The following PTPN14 variants were observed in gnomAD, a reference collection of about 807,000 sequenced individuals.
PTPN14 encodes protein tyrosine phosphatase non-receptor type 14, also known as tyrosine-protein phosphatase non-receptor type 14.
PTPN14 carries 53 observed loss-of-function variants against 126.8 expected under a neutral mutation model. The observed-to-expected ratio is 0.42, with a 90% CI of 0.34 to 0.53. The LOEUF is 0.53. Among genes scored for constraint, PTPN14 ranks in the 20% least tolerant of loss-of-function variants. PTPN14 has a pLI of 0.08. For synonymous variants in PTPN14, 630 were observed against 599.3 expected, an observed-to-expected ratio of 1.05 and a Z score of -0.75; for missense variants, 1,257 against 1,552.9, an observed-to-expected ratio of 0.81 and a Z score of 3.20.
chr1:214,532,293 C>A (rs910089576), intron 1 of PTPN14: 9 of 481,470 alleles, frequency 1.9e-5, no homozygotes, highest in African/African-American at 6.0e-5. Context: ...AGCCTATGCA[C>A]GTGCCAGGGG....
intron 1 of PTPN14, among the ~76,000 whole-genome samples, chr1:214,491,783 A>C (rs937417268): frequency 6.6e-6 from 1 of 152,190 alleles, no homozygotes; most frequent in Non-Finnish European, 1.5e-5. Context: ...AGACAGGAAC[A>C]CAAGACTTGG....
In PTPN14 at chr1:214,384,446, T is replaced by C; in HGVS notation, c.1409A>G (p.Asn470Ser). The C allele has an allele frequency of 6.2e-7, 1 of 1,614,130 alleles. No homozygotes were observed. The highest frequency in any genetic ancestry group is 8.5e-7 in the Non-Finnish European group (1 of 1,180,030). ...GTTGTAGGCATGGGTGTTGATAATG[T>C]TGAGGTTTCTCAGAGACTGGCTCTG... ...DSQSQSLRNL[N>S]IINTHAYNQP... The change falls in exon 13 of 19, where the codon AAC becomes AGC. Residue 470 changes from asparagine to serine, a missense_variant. Coordinates refer to ENST00000366956, the MANE Select transcript of PTPN14 (RefSeq NM_005401.5). This position sits in a 1 kb window ranked among gnomAD's most constrained non-coding sequence, Gnocchi z 5.3.
intron 6 of PTPN14, 72 bp downstream of exon 6, chr1:214,402,811 A>G: frequency 2.0e-6 from 3 of 1,527,152 alleles, no homozygotes; most frequent in Non-Finnish European, 2.7e-6. Context: ...TGATAGGGAG[A>G]TGGATGCCTC....
rs765897913 is a variant in PTPN14, at chr1:214,384,136, T to A, written c.1719A>T (p.Pro573=). ...LFRPPPPYPR[P]RPATSTPDLA... The stretch of plus-strand genomic sequence containing the variant: ...GGTCTGGGGTGCTGGTGGCAGGTCG[T>A]GGCCGTGGGTAGGGGGGCGGTGGCC... Residue 573 remains proline, a synonymous_variant, in exon 13 of 19, where the codon CCA becomes CCT. Coordinates refer to ENST00000366956, the MANE Select transcript of PTPN14 (RefSeq NM_005401.5). The surrounding 1 kb of genome is among the most constrained non-coding windows in gnomAD (Gnocchi z 5.3). 4.4e-6 allele frequency: 7 copies of A among 1,575,260 alleles called. No homozygotes were observed. The highest frequency in any genetic ancestry group is 6.0e-6 in the Non-Finnish European group (7 of 1,163,272).
At chr1:214,387,266 G>C (rs986791541) in intron 11 of PTPN14, among the ~76,000 whole-genome samples, 3 of 152,184 alleles carry the variant, frequency 2.0e-5, no homozygotes, top group Non-Finnish European at 4.4e-5. Context: ...TTTTAGAAAA[G>C]GTAAATTATT....
At position 214,383,669 on chromosome 1, in the gene PTPN14, T is replaced by C. The variant is rs1485834480; in HGVS notation, c.2186A>G (p.Glu729Gly). The change falls in exon 13 of 19, where the codon GAG becomes GGG. Residue 729 changes from glutamate to glycine, a missense_variant. Physicochemically the swap from Glu to Gly is moderately conservative, Grantham distance 98 (BLOSUM62 -2). Transcript: ENST00000366956. The surrounding 1 kb of genome is among the most constrained non-coding windows in gnomAD (Gnocchi z 4.4). ...CAGCTGGGCACTGTACTCCATCTTC[T>C]CCCGGAGCATGGGGATCTGGGGCAC... Reference protein sequence around the residue: ...ESVPQIPMLREKMEYSAQLQA... With the variant: ...ESVPQIPMLRGKMEYSAQLQA... The C allele has an allele frequency of 2.4e-5, 38 of 1,613,324 alleles. No homozygotes were observed. The highest frequency in any genetic ancestry group is 3.2e-5 in the Non-Finnish European group (38 of 1,180,044).
intron 2 of PTPN14, 132 bp from the exon 3 acceptor site, chr1:214,452,106 A>G (rs1572008928): frequency 2.0e-6 from 2 of 987,698 alleles, no homozygotes; most frequent in East Asian, 4.9e-5. Context: ...CAGCTTTGAC[A>G]TATAACTTTG....
At chr1:214,522,308 A>G (rs1172229061) in intron 1 of PTPN14, among the ~76,000 whole-genome samples, 2 of 152,204 alleles carry the variant, frequency 1.3e-5, no homozygotes, top group African/African-American at 2.4e-5. Flanking sequence ...CTTAAGGATC[A>G]AAAGTAGCTT....
At chr1:214,450,225 A>G (rs1421575874) in intron 3 of PTPN14, among the ~76,000 whole-genome samples, 1 of 151,914 alleles carries the variant, frequency 6.6e-6, no homozygotes, top group Non-Finnish European at 1.5e-5. Flanking sequence ...TCATCCTAGC[A>G]CTTTGGAAGG....
At chr1:214,474,854 A>G (rs1408545573) in intron 1 of PTPN14, among the ~76,000 whole-genome samples, 2 of 152,222 alleles carry the variant, frequency 1.3e-5, no homozygotes, top group Non-Finnish European at 2.9e-5. Flanking sequence ...CTGTCTTGAG[A>G]TTTCCAGAGA....
At chr1:214,535,002 C>T (rs920797508) in intron 1 of PTPN14, among the ~76,000 whole-genome samples, 32 of 151,902 alleles carry the variant, frequency 2.1e-4, no homozygotes, top group African/African-American at 7.7e-4. Context: ...CTCATCAAAA[C>T]ATGACAAGTT....
At chr1:214,460,297 G>C (rs1168374641) in intron 2 of PTPN14, among the ~76,000 whole-genome samples, 1 of 152,054 alleles carries the variant, frequency 6.6e-6, no homozygotes, top group Non-Finnish European at 1.5e-5. Flanking sequence ...TATAGATCTA[G>C]TTAAAACTCC....
intron 1 of PTPN14, among the ~76,000 whole-genome samples, chr1:214,511,310 C>G (rs1394707626): frequency 6.6e-6 from 1 of 152,090 alleles, no homozygotes. Context: ...GTTTTTATAA[C>G]TCTTCAAAAC....
intron 1 of PTPN14, among the ~76,000 whole-genome samples, chr1:214,516,285 T>C (rs1655101124): frequency 6.6e-6 from 1 of 150,420 alleles, no homozygotes; most frequent in Non-Finnish European, 1.5e-5. Flanking sequence ...ATGCCTTGTG[T>C]GTTTTGGTTT....
chr1:214,370,157 G>A (rs1293546909), intron 16 of PTPN14, among the ~76,000 whole-genome samples: 1 of 152,036 alleles, frequency 6.6e-6, no homozygotes, highest in African/African-American at 2.4e-5. Flanking sequence ...GCGGGTGCCT[G>A]TAGTCCCAGC....
At chr1:214,445,615 G>A (rs1383291775) in intron 3 of PTPN14, among the ~76,000 whole-genome samples, 1 of 150,948 alleles carries the variant, frequency 6.6e-6, no homozygotes, top group African/African-American at 2.4e-5. Flanking sequence ...CAACTTAGAA[G>A]TTTGTAGCCT....
At chr1:214,551,079 G>T (rs12745587) in intron 1 of PTPN14, 104 bp downstream of exon 1, 93,323 of 151,724 alleles carry the variant, frequency 0.62, 30,481 homozygotes, top group Non-Finnish European at 0.74. Context: ...GGCGCCAATC[G>T]CAAGTTGGCG....
chr1:214,381,046 T>C (rs1658460290), intron 13 of PTPN14, among the ~76,000 whole-genome samples: 1 of 152,174 alleles, frequency 6.6e-6, no homozygotes, highest in South Asian at 2.1e-4. Context: ...TGGCTAAAAT[T>C]TGCTAGTCAT....
chr1:214,352,086 G>GT lies in PTPN14; in HGVS notation c.*5835dup, dbSNP rs1186326280. On this transcript the variant is annotated 3_prime_UTR_variant, in exon 19 of 19. Coordinates refer to ENST00000366956, the MANE Select transcript of PTPN14 (RefSeq NM_005401.5). ...CCAGTAGCTCCAGCCCTCCTGCCTT[G>GT]TAACTCAATGTCCTTGAATTTATTT... 2 of 152,152 alleles carry GT rather than the reference G, an allele frequency of 1.3e-5. No individual in the cohort carries two copies. Among genetic ancestry groups the GT allele is most frequent in the Non-Finnish European group, 2.9e-5 (2 of 68,044 alleles). 9.4% of individuals were successfully genotyped at this position (152,152 alleles called of 1,614,324 possible).
Sources: allele counts gnomAD v4.1 joint callset (sites outside exome capture counted in the v4.1 genomes callset), GRCh38; gene constraint gnomAD v4.1.1; non-coding constraint Gnocchi (gnomAD v3.1); transcripts MANE v1.5; gene names NCBI Gene and HGNC (gene_info 2026-07-23, HGNC 2026-07-21).